The following MED12L variants were observed in gnomAD, a reference collection of about 807,000 sequenced individuals.
The protein encoded by MED12L is mediator complex subunit 12L.
MED12L carries 60 observed loss-of-function variants against 281.3 expected under a neutral mutation model. That is an observed-to-expected ratio of 0.21 (90% CI 0.17 to 0.26). The LOEUF is 0.26. Among genes scored for constraint, MED12L ranks in the 10% least tolerant of loss-of-function variants. The probability of loss-of-function intolerance (pLI) is 1.00; values close to 1 mark genes in which losing one functional copy is unlikely to be tolerated. For synonymous variants in MED12L, 974 were observed against 987.2 expected (o/e 0.99, Z 0.25); for missense variants, 2,146 against 2,680.9 (o/e 0.80, Z 4.41).
At chr3:151,185,039 T>C (rs1646800882) in intron 11 of MED12L, among the ~76,000 whole-genome samples, 1 of 152,036 alleles carries the variant, frequency 6.6e-6, no homozygotes, top group Non-Finnish European at 1.5e-5. Context: ...GAAATTTGAG[T>C]TCTAGAGGGT....
At chr3:151,150,637 G>A (rs1413679739) in intron 5 of MED12L, among the ~76,000 whole-genome samples, 2 of 152,208 alleles carry the variant, frequency 1.3e-5, no homozygotes, top group African/African-American at 4.8e-5. Context: ...GTCCTGGATG[G>A]CATCTTCTTC....
In MED12L at chr3:151,432,974, AAGG is replaced by A; in HGVS notation, c.*173_*175del. ...AAAAAAGGTGTTTAAACAAAAAGCC[AAGG>A]AGAAGTTGTGGTTTGATTTTGTTGA... On this transcript the variant is annotated 3_prime_UTR_variant, in exon 45 of 45. Transcript: ENST00000687756. The A allele has an allele frequency of 1.8e-6, 1 of 552,496 alleles. No homozygotes were observed. The highest frequency in any genetic ancestry group is 3.1e-5 in the East Asian group (1 of 32,644). 34.2% of individuals were successfully genotyped at this position (552,496 alleles called of 1,614,324 possible).
chr3:151,421,857 T>C (rs9817871), intron 43 of MED12L, among the ~76,000 whole-genome samples: 22,143 of 152,182 alleles, frequency 0.15, 2,185 homozygotes, highest in East Asian at 0.43. Context: ...CCAAAGCTCT[T>C]CATTCTTTGT....
At chr3:151,245,886 A>C (rs1163297283) in intron 16 of MED12L, among the ~76,000 whole-genome samples, 7 of 151,778 alleles carry the variant, frequency 4.6e-5, no homozygotes, top group African/African-American at 1.7e-4. Context: ...GTTTCAGCCC[A>C]AAATCTCCTT....
At chr3:151,123,764 G>A (rs977951023) in intron 4 of MED12L, among the ~76,000 whole-genome samples, 2 of 152,118 alleles carry the variant, frequency 1.3e-5, no homozygotes, top group Non-Finnish European at 2.9e-5. Flanking sequence ...TTCCTTACCA[G>A]CTTGGTACAG....
intron 16 of MED12L, among the ~76,000 whole-genome samples, chr3:151,322,746 A>G (rs2149830015): frequency 1.3e-5 from 2 of 151,928 alleles, no homozygotes; most frequent in South Asian, 2.1e-4. Flanking sequence ...CTCCTTTTCT[A>G]CTAACACTAC....
At position 151,192,480 on chromosome 3, in the gene MED12L, T is replaced by C. The variant is rs969060078; in HGVS notation, c.1969-70T>C. 1.0e-4 allele frequency: 111 copies of C among 1,082,770 alleles called. 1 individual carries two copies. The highest frequency in any genetic ancestry group is 1.4e-4 in the Non-Finnish European group (106 of 734,744). The allele number at this position is 1,082,770 out of a possible 1,614,324, so 67.1% of individuals were successfully genotyped here. ...GAGATGGTTAAAAATCCCACTGTCATGTTTTAGCTTCAGTTTCTTGATGAA... is the reference window on the plus strand; with the variant it reads ...GAGATGGTTAAAAATCCCACTGTCACGTTTTAGCTTCAGTTTCTTGATGAA... On this transcript the variant is annotated intron_variant, in intron 14 of 44. Transcript: ENST00000687756.
chr3:151,160,071 C>T lies in MED12L; in HGVS notation c.1077C>T (p.Pro359=). The T allele has an allele frequency of 6.2e-7, 1 of 1,611,758 alleles. No individual in the cohort carries two copies. The change falls in exon 8 of 45, where the codon CCC becomes CCT. Residue 359 remains proline, a synonymous_variant. Transcript: ENST00000687756. ...SDFLSCAQHG[P]LVYGLSCMLQ... ...TTCTTTCCTGTGCACAGCATGGTCCCCTGGTTTATGGACTTAGTTGTATGT... is the reference window on the plus strand; with the variant it reads ...TTCTTTCCTGTGCACAGCATGGTCCTCTGGTTTATGGACTTAGTTGTATGT...
rs985144460 is a variant in MED12L at position 151,156,113 on chromosome 3, G to A, written c.557-48G>A. ...ATGGGGAAGAAAACATGTAATTCTT[G>A]TACCCATTGTGTCTAGAAACTCATA... On this transcript the variant is annotated intron_variant, in intron 5 of 44. Transcript: ENST00000687756. 4 of 1,454,960 alleles carry A rather than the reference G, an allele frequency of 2.7e-6. No homozygotes were observed. In the African/African-American group the frequency reaches 4.3e-5, roughly 15 times the overall value. 90.1% of individuals were successfully genotyped at this position (1,454,960 alleles called of 1,614,324 possible).
intron 39 of MED12L, among the ~76,000 whole-genome samples, chr3:151,400,481 G>A (rs1475802263): frequency 2.0e-5 from 3 of 152,150 alleles, no homozygotes; most frequent in African/African-American, 7.2e-5. Flanking sequence ...TGTGTGCCCA[G>A]TTATAGCTAG....
chr3:151,332,594 G>C (rs1750474197), intron 16 of MED12L, among the ~76,000 whole-genome samples: 1 of 152,124 alleles, frequency 6.6e-6, no homozygotes, highest in African/African-American at 2.4e-5. Flanking sequence ...TTCACACTAT[G>C]TTTAAAAATT....
intron 17 of MED12L, among the ~76,000 whole-genome samples, chr3:151,350,870 G>T (rs139175969): frequency 1.7e-3 from 256 of 152,164 alleles, no homozygotes; most frequent in Non-Finnish European, 2.6e-3. Context: ...TGCATAATTG[G>T]AATTTTGTAA....
At chr3:151,166,523 G>T (rs1050123157) in intron 11 of MED12L, among the ~76,000 whole-genome samples, 4 of 151,848 alleles carry the variant, frequency 2.6e-5, no homozygotes, top group African/African-American at 9.7e-5. Context: ...AAAAGAGAGG[G>T]GTATTTATTT....
intron 43 of MED12L, among the ~76,000 whole-genome samples, chr3:151,418,581 G>A (rs1396772866): frequency 1.3e-5 from 2 of 152,090 alleles, no homozygotes; most frequent in Non-Finnish European, 2.9e-5. Flanking sequence ...TACATTTTTG[G>A]CAACATTAGA....
intron 16 of MED12L, among the ~76,000 whole-genome samples, chr3:151,288,372 C>T (rs1163089880): frequency 1.3e-5 from 2 of 152,184 alleles, no homozygotes; most frequent in African/African-American, 2.4e-5. Context: ...GTTTAATAGA[C>T]ACCAGCCTAA....
At chr3:151,163,837 A>G in intron 8 of MED12L, 56 bp from the exon 9 acceptor site, 1 of 1,554,734 alleles carries the variant, frequency 6.4e-7, no homozygotes, top group East Asian at 2.3e-5. Flanking sequence ...CTGTTTAGCT[A>G]TTGTTATGCT....
At chr3:151,380,873 C>T (rs1261415814) in intron 32 of MED12L, among the ~76,000 whole-genome samples, 1 of 152,182 alleles carries the variant, frequency 6.6e-6, no homozygotes, top group Non-Finnish European at 1.5e-5. Context: ...GTGAGTCCAG[C>T]TCCTCAAGCT....
chr3:151,156,127 T>A (rs1446265385), intron 5 of MED12L, 34 bp from the exon 6 acceptor site: 1 of 1,552,872 alleles, frequency 6.4e-7, no homozygotes, highest in East Asian at 2.3e-5. Context: ...CCATTGTGTC[T>A]AGAAACTCAT....
intron 16 of MED12L, chr3:151,294,660 T>C (rs569493600): frequency 1.2e-6 from 2 of 1,614,190 alleles, no homozygotes; most frequent in South Asian, 2.2e-5. Flanking sequence ...AAAGGACTTT[T>C]AAGTTTTGAG....
Sources: allele counts gnomAD v4.1 joint callset (sites outside exome capture counted in the v4.1 genomes callset), GRCh38; gene constraint gnomAD v4.1.1; transcripts MANE v1.5; gene names NCBI Gene and HGNC (gene_info 2026-07-23, HGNC 2026-07-21).